CFAP92: variants seen among roughly 807,000 people sequenced by gnomAD.
CFAP92 encodes uncharacterized protein CFAP92.
CFAP92 carries 86 observed loss-of-function variants against 106.3 expected under a neutral mutation model. That is an observed-to-expected ratio of 0.81 (90% CI 0.68 to 0.97). The LOEUF (loss-of-function observed/expected upper bound fraction) is 0.97. Ranked by LOEUF, CFAP92 falls within the 50% of genes least tolerant of loss-of-function variation. CFAP92 has a pLI of 0.00. For synonymous variants in CFAP92, 477 were observed against 506.4 expected, an observed-to-expected ratio of 0.94 and a Z score of 0.78; for missense variants, 1,204 against 1,283.8, an observed-to-expected ratio of 0.94 and a Z score of 0.95.
At chr3:129,002,397 A>T (rs1472338126) in intron 1 of CFAP92, 2 of 1,465,852 alleles carry the variant, frequency 1.4e-6, no homozygotes, top group African/African-American at 1.5e-5. Context: ...CTGGCTGCGG[A>T]GCCCGACAGG....
intron 9 of CFAP92, among the ~76,000 whole-genome samples, chr3:128,960,776 T>C (rs939288592): frequency 5.3e-5 from 8 of 152,102 alleles, no homozygotes; most frequent in Admixed American, 3.9e-4. Context: ...AAGTCCCGCT[T>C]TCCTGGGGCA....
chr3:128,970,936 T>G, intron 8 of CFAP92: 1 of 321,686 alleles, frequency 3.1e-6, no homozygotes, highest in Non-Finnish European at 5.7e-6. Context: ...TTACTAGATG[T>G]TTTTGTAAAA....
chr3:128,910,006 C>A lies in CFAP92; in HGVS notation c.*293G>T. On this transcript the variant is annotated 3_prime_UTR_variant, in exon 16 of 16. Coordinates refer to ENST00000645291, the MANE Select transcript of CFAP92 (RefSeq NM_001394090.1). The stretch of plus-strand genomic sequence containing the variant: ...CTAGGTAGTGAGTCCCCACTTGGAG[C>A]CTCTGTGATCCCAGACCATCATGGA... 1 of 1,612,744 alleles carries A rather than the reference C, an allele frequency of 6.2e-7. No homozygotes were observed. Among genetic ancestry groups the A allele is most frequent in the Non-Finnish European group, 8.5e-7 (1 of 1,179,676 alleles).
At chr3:128,961,085 CTTA>C (rs774842822) in intron 9 of CFAP92, among the ~76,000 whole-genome samples, 63 of 152,304 alleles carry the variant, frequency 4.1e-4, no homozygotes, top group Non-Finnish European at 6.8e-4. Flanking sequence ...ACCTAAATGC[CTTA>C]TTTTCTTCTG....
chr3:129,026,351 T>C, the CFAP92 span, among the ~76,000 whole-genome samples: 5 of 151,932 alleles, frequency 3.3e-5, no homozygotes, highest in Admixed American at 6.5e-5. Context: ...CCTTAAATGA[T>C]TTAGGGAATA....
intron 10 of CFAP92, among the ~76,000 whole-genome samples, chr3:128,938,845 T>A (rs1395736813): frequency 6.6e-6 from 1 of 152,046 alleles, no homozygotes; most frequent in Admixed American, 6.6e-5. Flanking sequence ...GATGAAGGTA[T>A]ACAGACTGAA....
intron 12 of CFAP92, among the ~76,000 whole-genome samples, chr3:128,919,837 G>T (rs774220836): frequency 6.6e-6 from 1 of 152,170 alleles, no homozygotes; most frequent in Non-Finnish European, 1.5e-5. Flanking sequence ...AAGGGCCCTG[G>T]TACCTCTAGG....
intron 9 of CFAP92, among the ~76,000 whole-genome samples, chr3:128,952,534 C>T (rs1012113995): frequency 6.6e-6 from 1 of 152,118 alleles, no homozygotes; most frequent in Admixed American, 6.5e-5. Flanking sequence ...TGATACAGAT[C>T]TTGGAATTAT....
intron 7 of CFAP92, among the ~76,000 whole-genome samples, chr3:128,971,753 C>G (rs1942813178): frequency 6.6e-6 from 1 of 152,176 alleles, no homozygotes; most frequent in African/African-American, 2.4e-5. Context: ...TTCCAGTCAG[C>G]TCTTAATGTC....
intron 9 of CFAP92, among the ~76,000 whole-genome samples, chr3:128,948,558 C>G (rs1940487225): frequency 7.4e-6 from 1 of 135,098 alleles, no homozygotes; most frequent in Admixed American, 7.8e-5. Flanking sequence ...GAGACAGGCT[C>G]TCGCTCCATT....
intron 9 of CFAP92, among the ~76,000 whole-genome samples, chr3:128,964,759 C>T (rs1047554411): frequency 1.3e-5 from 2 of 152,100 alleles, no homozygotes; most frequent in Non-Finnish European, 2.9e-5. Flanking sequence ...AACATCCCCA[C>T]AATATCACCC....
At chr3:129,021,005 T>A in the CFAP92 span, among the ~76,000 whole-genome samples, 1 of 152,172 alleles carries the variant, frequency 6.6e-6, no homozygotes, top group Non-Finnish European at 1.5e-5. Flanking sequence ...ACAGGGCATC[T>A]CCTTGGGAGC....
upstream of CFAP92, chr3:129,003,973 G>A (rs1576695210): frequency 2.7e-6 from 4 of 1,473,568 alleles, no homozygotes; most frequent in Non-Finnish European, 3.6e-6. Context: ...GGCAGGTGGT[G>A]CTGCGCAGCC....
chr3:128,992,740 C>A (rs1020018759), intron 2 of CFAP92, among the ~76,000 whole-genome samples: 2 of 152,048 alleles, frequency 1.3e-5, no homozygotes, highest in Non-Finnish European at 2.9e-5. Flanking sequence ...GATGCACAAG[C>A]GCTTATGAGA....
upstream of CFAP92, among the ~76,000 whole-genome samples, chr3:128,998,676 T>TG (rs1459020786): frequency 6.6e-6 from 1 of 152,230 alleles, no homozygotes; most frequent in African/African-American, 2.4e-5. Flanking sequence ...TGGGCATCTG[T>TG]GGGGGATGAC....
At chr3:128,932,224 T>C (rs1023749011) in intron 12 of CFAP92, among the ~76,000 whole-genome samples, 7 of 152,144 alleles carry the variant, frequency 4.6e-5, no homozygotes, top group African/African-American at 1.7e-4. Context: ...AGCGAGGTTC[T>C]CCTTGCCCAT....
intron 1 of CFAP92, among the ~76,000 whole-genome samples, chr3:129,001,048 C>A (rs113773045): frequency 6.6e-6 from 1 of 152,228 alleles, no homozygotes; most frequent in Non-Finnish European, 1.5e-5. Flanking sequence ...TCCGCACCTA[C>A]GGCTACAGGG....
chr3:128,975,654 T>C (rs1943106330), intron 7 of CFAP92, 125 bp downstream of exon 7: 1 of 859,656 alleles, frequency 1.2e-6, no homozygotes, highest in Non-Finnish European at 1.7e-6. Flanking sequence ...TACAGTACTC[T>C]TACTTTTGAG....
At position 128,977,012 on chromosome 3, in the gene CFAP92, T is replaced by C. The variant is rs1452029007; in HGVS notation, c.863A>G (p.Lys288Arg). 6.2e-7 allele frequency: 1 copy of C among 1,613,942 alleles called. No individual in the cohort carries two copies. The highest frequency in any genetic ancestry group is 1.1e-5 in the South Asian group (1 of 91,084). The change falls in exon 6 of 16, where the codon AAG (lysine) becomes AGG (arginine). Residue 288 changes from lysine to arginine, a missense_variant. Transcript: ENST00000645291. ...GGAAGAATCGTCCATTTTGAGGGAC[T>C]TCTCATATTCCTCACTGTTCTTGGA... ...TSSKNSEEYE[K>R]SLKMDDSSTI... is the part of the protein sequence containing the mutation.
Sources: gnomAD v4.1 joint callset for allele counts (sites outside exome capture counted in the v4.1 genomes callset) on GRCh38, gnomAD v4.1.1 for gene constraint, MANE v1.5 for transcripts, NCBI Gene and HGNC (gene_info 2026-07-23, HGNC 2026-07-21) for gene names.